SPON1: variants seen among roughly 807,000 people sequenced by gnomAD.
The protein encoded by SPON1 is spondin-1.
A neutral mutation model predicts 111.7 loss-of-function variants in SPON1; 52 were observed. That is an observed-to-expected ratio of 0.47 (90% confidence interval 0.37 to 0.59). The LOEUF (loss-of-function observed/expected upper bound fraction) is 0.59. Among genes scored for constraint, SPON1 ranks in the 20% least tolerant of loss-of-function variants. The probability of loss-of-function intolerance (pLI) is 0.00; values close to 1 mark genes in which losing one functional copy is unlikely to be tolerated. For synonymous variants in SPON1, 410 were observed against 395.8 expected, an observed-to-expected ratio of 1.04 and a Z score of -0.43; for missense variants, 957 against 1,068.5, an observed-to-expected ratio of 0.90 and a Z score of 1.46.
intron 2 of SPON1, among the ~76,000 whole-genome samples, chr11:13,991,157 C>A (rs1554911145): frequency 6.6e-6 from 1 of 152,200 alleles, no homozygotes; most frequent in African/African-American, 2.4e-5. Context: ...GGATAATATC[C>A]TGAAAAGTGT....
chr11:14,098,673 GAA>G (rs1554924136), intron 5 of SPON1, among the ~76,000 whole-genome samples: 3 of 149,330 alleles, frequency 2.0e-5, no homozygotes, highest in East Asian at 1.9e-4. Flanking sequence ...AGAGGGGTGG[GAA>G]GAGAGAGAGA....
intron 14 of SPON1, among the ~76,000 whole-genome samples, chr11:14,261,522 G>GA (rs1849182491): frequency 6.6e-6 from 1 of 152,194 alleles, no homozygotes; most frequent in Admixed American, 6.5e-5. Flanking sequence ...TTGCTCTGAG[G>GA]ATGAAACCAA....
intron 2 of SPON1, among the ~76,000 whole-genome samples, chr11:14,023,306 G>A (rs1447134924): frequency 2.0e-5 from 3 of 152,194 alleles, no homozygotes; most frequent in East Asian, 1.9e-4. Flanking sequence ...AAGTATGGAA[G>A]CAGAGAGATA....
At chr11:14,227,369 A>G (rs1207003484) in intron 6 of SPON1, among the ~76,000 whole-genome samples, 1 of 152,210 alleles carries the variant, frequency 6.6e-6, no homozygotes, top group South Asian at 2.1e-4. Context: ...AATTTAGGCC[A>G]TAGCTCTTCA....
intron 5 of SPON1, among the ~76,000 whole-genome samples, chr11:14,130,356 T>A (rs1294107417): frequency 6.6e-6 from 1 of 152,104 alleles, no homozygotes; most frequent in African/African-American, 2.4e-5. Context: ...TGGTGGTAAA[T>A]GGCATTGGAA....
At chr11:14,260,530 G>A (rs1045776837) in intron 13 of SPON1, 58 bp from the exon 14 acceptor site, 1 of 1,565,306 alleles carries the variant, frequency 6.4e-7, no homozygotes. Flanking sequence ...TGGGGTCAGG[G>A]AGATCAACGA....
In SPON1 at chr11:14,086,542, G is replaced by A. The variant is rs145630913; in HGVS notation, c.676+6521G>A. Among the ~76,000 whole-genome samples, 1,055 of 152,250 alleles carry A rather than the reference G, an allele frequency of 6.9e-3. 23 individuals are homozygous for A. The highest frequency in any genetic ancestry group is 0.024 in the African/African-American group (1,015 of 41,526). Reference sequence around the variant, plus strand: ...GCTTTTTGATGTGCTGCTGGATTTGGTTTGCCGGTATTTTATTGAGGATTT... The same window carrying A: ...GCTTTTTGATGTGCTGCTGGATTTGATTTGCCGGTATTTTATTGAGGATTT... On this transcript the variant is annotated intron_variant, in intron 5 of 15. Coordinates refer to ENST00000576479, the MANE Select transcript of SPON1 (RefSeq NM_006108.4).
In SPON1 at chr11:14,135,645, CT is replaced by C; in HGVS notation, c.825+79del. ...ACTCCTTAGATATCTTTCCCAGGGG[CT>C]TGAAATTTGCAGTACAATGTGGTGG... On this transcript the variant is annotated intron_variant, in intron 6 of 15. Transcript: ENST00000576479. This position sits in a 1 kb window ranked among gnomAD's most constrained non-coding sequence, Gnocchi z 4.4. 6.8e-7 allele frequency: 1 copy of C among 1,466,620 alleles called. No homozygotes were observed. Among genetic ancestry groups the C allele is most frequent in the Non-Finnish European group, 9.4e-7 (1 of 1,066,008 alleles). The allele number at this position is 1,466,620 out of a possible 1,614,324, so 90.9% of individuals were successfully genotyped here.
intron 5 of SPON1, among the ~76,000 whole-genome samples, chr11:14,114,708 T>TG (rs1485131766): frequency 1.4e-4 from 22 of 152,212 alleles, no homozygotes; most frequent in African/African-American, 5.3e-4. Flanking sequence ...CAGTCTGTAT[T>TG]GGCGGCCCTC....
intron 6 of SPON1, among the ~76,000 whole-genome samples, chr11:14,199,487 T>A (rs529150094): frequency 2.0e-5 from 3 of 152,078 alleles, no homozygotes; most frequent in African/African-American, 7.2e-5. Flanking sequence ...TCAGGCCTCA[T>A]CACCTCTTGC....
At chr11:14,230,155 G>C (rs56952650) in intron 6 of SPON1, among the ~76,000 whole-genome samples, 29 of 152,150 alleles carry the variant, frequency 1.9e-4, no homozygotes, top group Middle Eastern at 3.4e-3. Flanking sequence ...TTAAATAGCC[G>C]CATTTAAGAA....
rs7935015 is a variant in SPON1 at position 14,180,014 on chromosome 11, A to C, written c.825+44446A>C. Among the ~76,000 whole-genome samples the C allele has an allele frequency of 9.9e-4, 151 of 152,312 alleles. 1 individual carries two copies. Among genetic ancestry groups the C allele is most frequent in the African/African-American group, 2.8e-3 (117 of 41,570 alleles). On this transcript the variant is annotated intron_variant, in intron 6 of 15. Transcript: ENST00000576479. ...CATCCCTCACCTGAATTAATGCAGAAGACTCTTTACAGATCCCCACACCTC... is the reference window on the plus strand; with the variant it reads ...CATCCCTCACCTGAATTAATGCAGACGACTCTTTACAGATCCCCACACCTC...
chr11:14,248,810 A>T (rs185444166), intron 7 of SPON1, among the ~76,000 whole-genome samples: 1 of 152,304 alleles, frequency 6.6e-6, no homozygotes, highest in Non-Finnish European at 1.5e-5. Flanking sequence ...AATGATCTGC[A>T]TCTTTATCCC....
intron 2 of SPON1, among the ~76,000 whole-genome samples, chr11:14,019,598 G>A (rs1273489025): frequency 6.6e-6 from 1 of 152,000 alleles, no homozygotes; most frequent in Non-Finnish European, 1.5e-5. Flanking sequence ...GGAGGTATTT[G>A]GCTATAAGAA....
At chr11:14,262,204 T>C (rs1313418592) in intron 14 of SPON1, among the ~76,000 whole-genome samples, 2 of 152,160 alleles carry the variant, frequency 1.3e-5, no homozygotes, top group Admixed American at 1.3e-4. Flanking sequence ...GAACACAGGA[T>C]GATGTTGAGA....
intron 5 of SPON1, among the ~76,000 whole-genome samples, chr11:14,082,072 C>T (rs746043793): frequency 2.0e-5 from 3 of 152,128 alleles, no homozygotes; most frequent in Admixed American, 1.3e-4. Context: ...CTCCTATCCA[C>T]TAACCAGAGG....
chr11:14,223,107 A>G (rs561266655), intron 6 of SPON1, among the ~76,000 whole-genome samples: 1 of 152,298 alleles, frequency 6.6e-6, no homozygotes, highest in Non-Finnish European at 1.5e-5. Flanking sequence ...GCTCATGCCT[A>G]TAATCCCAGC....
chr11:14,089,266 A>G (rs1342315778), intron 5 of SPON1, among the ~76,000 whole-genome samples: 2 of 151,998 alleles, frequency 1.3e-5, no homozygotes, highest in Non-Finnish European at 2.9e-5. Context: ...ATCTTCATGG[A>G]TTTATCTACC....
chr11:14,223,467 ATTAT>A (rs1848703025), intron 6 of SPON1, among the ~76,000 whole-genome samples: 1 of 152,350 alleles, frequency 6.6e-6, no homozygotes, highest in African/African-American at 2.4e-5. Flanking sequence ...TAATCTCAAG[ATTAT>A]TTATAAGAAT....
Sources: allele counts gnomAD v4.1 joint callset (sites outside exome capture counted in the v4.1 genomes callset), GRCh38; gene constraint gnomAD v4.1.1; non-coding constraint Gnocchi (gnomAD v3.1); transcripts MANE v1.5; gene names NCBI Gene and HGNC (gene_info 2026-07-23, HGNC 2026-07-21).